PSMB11: variants seen among roughly 807,000 people sequenced by gnomAD.
PSMB11 encodes the protein proteasome subunit beta type-11.
For synonymous variants in PSMB11, 163 were observed against 167.7 expected (o/e 0.97, Z 0.22); for missense variants, 411 against 408.2 (o/e 1.01, Z -0.06).
In PSMB11 at chr14:23,042,863, C is replaced by T. The variant is rs200922298; in HGVS notation, c.638C>T (p.Thr213Ile). 89 of 1,613,688 alleles carry T rather than the reference C, an allele frequency of 5.5e-5. 1 individual carries two copies. In the Middle Eastern group the frequency reaches 1.6e-3, roughly 30 times the overall value. The part of the protein sequence containing the change: ...ALARCAVAHA[T>I]HRDAYSGGSV... The stretch of plus-strand genomic sequence containing the variant: ...GCTCGCTGCGCCGTGGCCCACGCCA[C>T]CCACCGTGATGCCTATTCAGGGGGC... The change falls in exon 1 of 1, where the codon ACC becomes ATC. Residue 213 changes from threonine to isoleucine, a missense_variant. Transcript: ENST00000408907.
In PSMB11 at chr14:23,042,772, T is replaced by A. The variant is rs1318901173; in HGVS notation, c.547T>A (p.Tyr183Asn). 5.0e-6 allele frequency: 8 copies of A among 1,613,192 alleles called. No individual in the cohort carries two copies. Among genetic ancestry groups the A allele is most frequent in the Non-Finnish European group, 6.8e-6 (8 of 1,179,988 alleles). ...DIFSVGSGSP[Y>N]AYGVLDRGYR... ...CTTCTCTGTGGGCTCTGGATCTCCC[T>A]ATGCCTACGGCGTGCTAGACCGTGG... The change falls in exon 1 of 1, where the codon TAT becomes AAT. Residue 183 changes from tyrosine to asparagine, a missense_variant. Transcript: ENST00000408907.
chr14:23,042,581 A>C lies in PSMB11; in HGVS notation c.356A>C (p.Glu119Ala). ...GAGCTGCGGCTTCGGGAACTGAGGG[A>C]GGGTCAGCTGCCCAGTGTGGCCAGT... ...QRELRLRELR[E>A]GQLPSVASAA... Residue 119 changes from glutamate (E) to alanine (A), a missense_variant, in exon 1 of 1, where the codon GAG (glutamate) becomes GCG (alanine). Glu to Ala is a moderately radical substitution (Grantham distance 107). Coordinates refer to ENST00000408907, the MANE Select transcript of PSMB11 (RefSeq NM_001099780.2). 6.2e-7 allele frequency: 1 copy of C among 1,614,166 alleles called. No individual in the cohort carries two copies. Among genetic ancestry groups the C allele is most frequent in the South Asian group, 1.1e-5 (1 of 91,090 alleles).
rs902372702 is a variant in PSMB11 at position 23,043,151 on chromosome 14, G to C, written c.*23G>C. ...TGAGAAGCAGGACTTGGTTGGGGAT[G>C]GTGTAGGCCTGGGGAGTGGGTGGGA... On this transcript the variant is annotated 3_prime_UTR_variant, in exon 1 of 1. Transcript: ENST00000408907. 5.1e-6 allele frequency: 8 copies of C among 1,564,680 alleles called. No individual in the cohort carries two copies. The highest frequency in any genetic ancestry group is 6.1e-6 in the Non-Finnish European group (7 of 1,149,102).
rs775898471 is a variant in PSMB11 at position 23,042,504 on chromosome 14, C to A, written c.279C>A (p.Thr93=). The change falls in exon 1 of 1, where the codon ACC becomes ACA. Residue 93 remains threonine, a synonymous_variant. Coordinates refer to ENST00000408907, the MANE Select transcript of PSMB11 (RefSeq NM_001099780.2). Reference sequence around the variant, plus strand: ...CTGTGCACCAGCACCTCCTGGGTACCACCTCTGGCACCTCTGCCGACTGTG... The same window carrying A: ...CTGTGCACCAGCACCTCCTGGGTACAACCTCTGGCACCTCTGCCGACTGTG... The part of the protein sequence containing the change: ...VIPVHQHLLG[T]TSGTSADCAT... The A allele has an allele frequency of 1.9e-5, 30 of 1,614,110 alleles. No individual in the cohort carries two copies. The highest frequency in any genetic ancestry group is 1.6e-4 in the Middle Eastern group (1 of 6,084).
rs764074310 is a variant in PSMB11 at position 23,043,075 on chromosome 14, G to A, written c.850G>A (p.Gly284Arg). 3 of 1,613,620 alleles carry A rather than the reference G, an allele frequency of 1.9e-6. No individual in the cohort carries two copies. Among genetic ancestry groups the A allele is most frequent in the South Asian group, 2.2e-5 (2 of 90,992 alleles). Residue 284 changes from glycine (G) to arginine (R), a missense_variant, in exon 1 of 1, where the codon GGG (glycine) becomes AGG (arginine). Gly to Arg is a moderately radical substitution (Grantham distance 125). Coordinates refer to ENST00000408907, the MANE Select transcript of PSMB11 (RefSeq NM_001099780.2). ...AGATAGAGAGCTCTCTGTGGGGCCA[G>A]GGGAGGTGACACCAGGAGACTCCAG... is the stretch of plus-strand genomic sequence containing the variant. ...AEDRELSVGPGEVTPGDSRMP... is the reference protein window; with the variant it reads ...AEDRELSVGPREVTPGDSRMP...
In PSMB11 at chr14:23,043,360, C is replaced by T; in HGVS notation, c.*232C>T. The T allele has an allele frequency of 5.9e-6, 3 of 508,566 alleles. No individual in the cohort carries two copies. Among genetic ancestry groups the T allele is most frequent in the South Asian group, 7.6e-5 (2 of 26,352 alleles). 31.5% of individuals were successfully genotyped at this position (508,566 alleles called of 1,614,324 possible). On this transcript the variant is annotated 3_prime_UTR_variant, in exon 1 of 1. Coordinates refer to ENST00000408907, the MANE Select transcript of PSMB11 (RefSeq NM_001099780.2). ...GATTGGTCCAGCCTCCTTCTTGGCA[C>T]CAAGTCCGTCTTTCATTCAACACTT...
In PSMB11 at chr14:23,042,252, G is replaced by A. The variant is rs1566718752; in HGVS notation, c.27G>A (p.Trp9Ter). 1 of 1,593,058 alleles carries A rather than the reference G, an allele frequency of 6.3e-7. No individual in the cohort carries two copies. The highest frequency in any genetic ancestry group is 8.6e-7 in the Non-Finnish European group (1 of 1,169,034). MALQDVCK[W>*]QSPDTQGPSP... ...TGGCTCTGCAGGATGTGTGCAAGTG[G>A]CAGTCCCCTGACACCCAGGGACCAT... Residue 9 changes from tryptophan to a stop codon, truncating the protein, a stop_gained, in exon 1 of 1, where the codon TGG becomes TGA. Transcript: ENST00000408907. LOFTEE classifies it low-confidence loss of function (END_TRUNC).
Position 23,042,293 on chromosome 14 carries a change from G to A in PSMB11, c.68G>A (p.Arg23Gln), listed in dbSNP as rs201995713. The change falls in exon 1 of 1, where the codon CGG becomes CAG. Residue 23 changes from arginine to glutamine, a missense_variant. Coordinates refer to ENST00000408907, the MANE Select transcript of PSMB11 (RefSeq NM_001099780.2). ...DTQGPSPHLP[R>Q]AGGWAVPRGC... ...CAGGGACCATCACCTCACCTGCCTC[G>A]GGCTGGCGGCTGGGCTGTGCCCCGG... 2.2e-4 allele frequency: 352 copies of A among 1,612,822 alleles called. 1 individual carries two copies. The highest frequency in any genetic ancestry group is 2.5e-4 in the Admixed American group (15 of 59,948).
rs1299915365 is a variant in PSMB11, at chr14:23,042,637, C to T, written c.412C>T (p.Gln138Ter). ...AAKLLSAMMS[Q>*]YRGLDLCVAT... ...CAAGCTCTTGTCAGCCATGATGTCT[C>T]AATACCGGGGACTGGATCTCTGTGT... The change falls in exon 1 of 1, where the codon CAA becomes TAA. Residue 138 changes from glutamine (Q) to a stop codon, truncating the protein, a stop_gained. Coordinates refer to ENST00000408907, the MANE Select transcript of PSMB11 (RefSeq NM_001099780.2). LOFTEE classifies it low-confidence loss of function (END_TRUNC). 2.5e-6 allele frequency: 4 copies of T among 1,614,124 alleles called. No homozygotes were observed. Among genetic ancestry groups the T allele is most frequent in the Non-Finnish European group, 3.4e-6 (4 of 1,180,036 alleles).
Position 23,042,535 on chromosome 14 carries a change from T to A in PSMB11, c.310T>A (p.Trp104Arg), listed in dbSNP as rs751051371. The change falls in exon 1 of 1, where the codon TGG becomes AGG. Residue 104 changes from tryptophan (W) to arginine (R), a missense_variant. Trp to Arg is a moderately radical substitution (Grantham distance 101). Coordinates refer to ENST00000408907, the MANE Select transcript of PSMB11 (RefSeq NM_001099780.2). ...TSGTSADCAT[W>R]YRVLQRELRL... ...TGGCACCTCTGCCGACTGTGCTACC[T>A]GGTATCGGGTATTACAGCGGGAGCT... 6.2e-7 allele frequency: 1 copy of A among 1,614,196 alleles called. No individual in the cohort carries two copies. The highest frequency in any genetic ancestry group is 8.5e-7 in the Non-Finnish European group (1 of 1,180,008).
rs963671074 is a variant in PSMB11 at position 23,042,994 on chromosome 14, G to C, written c.769G>C (p.Glu257Gln). ...ACAGAAGCTCCTGGAGCCGGAGCCA[G>C]AGGAGGATGCCAGCCATGCCCATCC... ...ELQKLLEPEP[E>Q]EDASHAHPEP... The change falls in exon 1 of 1, where the codon GAG becomes CAG. Residue 257 changes from glutamate (E) to glutamine (Q), a missense_variant. Transcript: ENST00000408907. The C allele has an allele frequency of 3.7e-6, 6 of 1,613,984 alleles. No homozygotes were observed. Among genetic ancestry groups the C allele is most frequent in the Admixed American group, 3.3e-5 (2 of 59,986 alleles).
rs772504025 is a variant in PSMB11 at position 23,043,422 on chromosome 14, G to T, written c.*294G>T. The T allele has an allele frequency of 2.1e-5, 7 of 334,952 alleles. No individual in the cohort carries two copies. Among genetic ancestry groups the T allele is most frequent in the Non-Finnish European group, 4.0e-5 (7 of 175,286 alleles). 20.7% of individuals were successfully genotyped at this position (334,952 alleles called of 1,614,324 possible). On this transcript the variant is annotated 3_prime_UTR_variant, in exon 1 of 1. Transcript: ENST00000408907. The stretch of plus-strand genomic sequence containing the variant: ...ACTGCATGCCAGACGCATGCTAGGT[G>T]CTAGACCCTCTTTTCTTGCCATCTT...
Position 23,043,483 on chromosome 14 carries a change from C to G in PSMB11, c.*355C>G, listed in dbSNP as rs1377973660. The G allele has an allele frequency of 4.7e-6, 1 of 214,688 alleles. No individual in the cohort carries two copies. The highest frequency in any genetic ancestry group is 2.3e-5 in the African/African-American group (1 of 43,116). The allele number at this position is 214,688 out of a possible 1,614,324, so 13.3% of individuals were successfully genotyped here. On this transcript the variant is annotated 3_prime_UTR_variant, in exon 1 of 1. Coordinates refer to ENST00000408907, the MANE Select transcript of PSMB11 (RefSeq NM_001099780.2). Reference sequence around the variant, plus strand: ...TTCCATCATCTCATCCCCAGTTTCTCTTAGTTTCGGTCCTTTATGTGTCTC... The same window carrying G: ...TTCCATCATCTCATCCCCAGTTTCTGTTAGTTTCGGTCCTTTATGTGTCTC...
Position 23,042,215 on chromosome 14 carries a change from C to G in PSMB11, c.-11C>G. 1 of 1,539,694 alleles carries G rather than the reference C, an allele frequency of 6.5e-7. No homozygotes were observed. Among genetic ancestry groups the G allele is most frequent in the Non-Finnish European group, 8.8e-7 (1 of 1,141,952 alleles). ...TGGCTTGCTTCTTCCAAACTTCATT[C>G]AGCCCCAGGGATGGCTCTGCAGGAT... On this transcript the variant is annotated 5_prime_UTR_variant, in exon 1 of 1. Transcript: ENST00000408907.
rs149026126 is a variant in PSMB11 at position 23,042,859 on chromosome 14, G to A, written c.634G>A (p.Ala212Thr). The change falls in exon 1 of 1, where the codon GCC becomes ACC. Residue 212 changes from alanine to threonine, a missense_variant. Ala to Thr is a moderately conservative substitution (Grantham distance 58). Transcript: ENST00000408907. Reference protein sequence around the residue: ...YALARCAVAHATHRDAYSGGS... With the variant: ...YALARCAVAHTTHRDAYSGGS... The stretch of plus-strand genomic sequence containing the variant: ...CCTGGCTCGCTGCGCCGTGGCCCAC[G>A]CCACCCACCGTGATGCCTATTCAGG... The A allele has an allele frequency of 5.9e-5, 96 of 1,613,612 alleles. 1 individual carries two copies. Among genetic ancestry groups the A allele is most frequent in the Admixed American group, 5.7e-4 (34 of 60,026 alleles).
rs750496396 is a variant in PSMB11 at position 23,042,283 on chromosome 14, C to A, written c.58C>A (p.His20Asn). Reference protein sequence around the residue: ...QSPDTQGPSPHLPRAGGWAVP... With the variant: ...QSPDTQGPSPNLPRAGGWAVP... ...CCCTGACACCCAGGGACCATCACCT[C>A]ACCTGCCTCGGGCTGGCGGCTGGGC... is the stretch of plus-strand genomic sequence containing the variant. The change falls in exon 1 of 1, where the codon CAC becomes AAC. Residue 20 changes from histidine to asparagine, a missense_variant. Physicochemically the swap from His to Asn is moderately conservative, Grantham distance 68 (BLOSUM62 1). Transcript: ENST00000408907. 6.2e-6 allele frequency: 10 copies of A among 1,611,292 alleles called. No homozygotes were observed. In the African/African-American group the frequency reaches 1.1e-4, roughly 17 times the overall value.
In PSMB11 at chr14:23,043,071, G is replaced by A; in HGVS notation, c.846G>A (p.Gly282=). 6.2e-7 allele frequency: 1 copy of A among 1,613,656 alleles called. No individual in the cohort carries two copies. The highest frequency in any genetic ancestry group is 8.5e-7 in the Non-Finnish European group (1 of 1,179,770). The change falls in exon 1 of 1, where the codon GGG becomes GGA. Residue 282 remains glycine, a synonymous_variant. Coordinates refer to ENST00000408907, the MANE Select transcript of PSMB11 (RefSeq NM_001099780.2). ...RAAEDRELSV[G]PGEVTPGDSR... ...CAGAAGATAGAGAGCTCTCTGTGGG[G>A]CCAGGGGAGGTGACACCAGGAGACT...
rs767853994 is a variant in PSMB11 at position 23,042,861 on chromosome 14, C to T, written c.636C>T (p.Ala212=). 1.9e-6 allele frequency: 3 copies of T among 1,613,830 alleles called. No homozygotes were observed. The East Asian group carries it at 6.7e-5, about 36-fold the overall frequency. ...YALARCAVAH[A]THRDAYSGGS... ...TGGCTCGCTGCGCCGTGGCCCACGCCACCCACCGTGATGCCTATTCAGGGG... is the reference window on the plus strand; with the variant it reads ...TGGCTCGCTGCGCCGTGGCCCACGCTACCCACCGTGATGCCTATTCAGGGG... Residue 212 remains alanine, a synonymous_variant, in exon 1 of 1, where the codon GCC becomes GCT. Coordinates refer to ENST00000408907, the MANE Select transcript of PSMB11 (RefSeq NM_001099780.2).
In PSMB11 at chr14:23,042,561, G is replaced by A. The variant is rs1208050967; in HGVS notation, c.336G>A (p.Leu112=). 2.5e-6 allele frequency: 4 copies of A among 1,614,068 alleles called. No homozygotes were observed. The African/African-American group carries it at 5.3e-5, about 22-fold the overall frequency. The part of the protein sequence containing the change: ...ATWYRVLQRE[L]RLRELREGQL... ...GGTATCGGGTATTACAGCGGGAGCTGCGGCTTCGGGAACTGAGGGAGGGTC... is the reference window on the plus strand; with the variant it reads ...GGTATCGGGTATTACAGCGGGAGCTACGGCTTCGGGAACTGAGGGAGGGTC... Residue 112 remains leucine (L), a synonymous_variant, in exon 1 of 1, where the codon CTG becomes CTA. Coordinates refer to ENST00000408907, the MANE Select transcript of PSMB11 (RefSeq NM_001099780.2).
Sources: allele counts gnomAD v4.1 joint callset, GRCh38; gene constraint gnomAD v4.1.1; transcripts MANE v1.5; gene names NCBI Gene and HGNC (gene_info 2026-07-23, HGNC 2026-07-21).